The following KAT6B variants were observed in gnomAD, a reference collection of about 807,000 sequenced individuals.
KAT6B encodes the protein lysine acetyltransferase 6B, also known as histone acetyltransferase KAT6B.
In KAT6B, 10 loss-of-function variants were observed where a neutral mutation model predicts 187.5. That is an observed-to-expected ratio of 0.05 (90% CI 0.03 to 0.09). KAT6B has a LOEUF of 0.09. Among genes scored for constraint, KAT6B ranks in the 10% least tolerant of loss-of-function variants. The pLI is 1.00. For synonymous variants in KAT6B, 861 were observed against 926.8 expected, an observed-to-expected ratio of 0.93 and a Z score of 1.29; for missense variants, 1,952 against 2,558.9, an observed-to-expected ratio of 0.76 and a Z score of 5.12.
intron 3 of KAT6B, among the ~76,000 whole-genome samples, chr10:74,875,423 A>G (rs373849066): frequency 6.6e-6 from 1 of 151,990 alleles, no homozygotes; most frequent in Non-Finnish European, 1.5e-5. Flanking sequence ...TTAAATGGTA[A>G]TGTTAAGTGA....
chr10:74,874,292 G>A (rs1179352454), intron 3 of KAT6B, among the ~76,000 whole-genome samples: 1 of 152,176 alleles, frequency 6.6e-6, no homozygotes, highest in African/African-American at 2.4e-5. Flanking sequence ...GGTTACTGTA[G>A]GTTGTCATAT....
chr10:74,879,923 C>T (rs960171513), intron 3 of KAT6B, among the ~76,000 whole-genome samples: 5 of 152,036 alleles, frequency 3.3e-5, no homozygotes, highest in African/African-American at 4.8e-5. Context: ...GGTGAAACCC[C>T]GTCTCTACTA....
chr10:74,847,194 G>A (rs2132119723), intron 3 of KAT6B, among the ~76,000 whole-genome samples: 1 of 152,228 alleles, frequency 6.6e-6, no homozygotes, highest in East Asian at 1.9e-4. Context: ...TCTTTAAATT[G>A]TTTAGTTAGC....
chr10:74,895,409 A>G (rs1442209656), intron 3 of KAT6B, among the ~76,000 whole-genome samples: 1 of 151,784 alleles, frequency 6.6e-6, no homozygotes, highest in East Asian at 1.9e-4. Flanking sequence ...ATTGTGTAAT[A>G]CTGAAAAGTT....
rs568645648 is a variant in KAT6B at position 74,890,874 on chromosome 10, G to GTT, written c.621+47404_621+47405dup. ...TAAAGGTAAATAGAACACAGTTTGG[G>GTT]TTTTTTTTTGGCATATAAATGGTTG... On this transcript the variant is annotated intron_variant, in intron 3 of 17. Transcript: ENST00000287239. Among the ~76,000 whole-genome samples, 5 of 150,688 alleles carry GTT rather than the reference G, an allele frequency of 3.3e-5. No individual in the cohort carries two copies. In the South Asian group the frequency reaches 1.0e-3, roughly 32 times the overall value.
At chr10:74,922,709 G>A (rs1298081228) in intron 3 of KAT6B, among the ~76,000 whole-genome samples, 1 of 152,218 alleles carries the variant, frequency 6.6e-6, no homozygotes, top group South Asian at 2.1e-4. Context: ...AAGGATGTGT[G>A]TGTATGTATG....
At chr10:74,972,755 G>A in intron 7 of KAT6B, 116 bp downstream of exon 7, 1 of 976,032 alleles carries the variant, frequency 1.0e-6, no homozygotes, top group Non-Finnish European at 1.6e-6. Flanking sequence ...AAACTCAAGG[G>A]TTGAAAAATA....
chr10:74,833,406 C>G (rs1414561678), intron 1 of KAT6B, among the ~76,000 whole-genome samples: 1 of 152,130 alleles, frequency 6.6e-6, no homozygotes, highest in African/African-American at 2.4e-5. Flanking sequence ...CTCTAAATTC[C>G]TCTGTTTTAC....
intron 13 of KAT6B, chr10:75,003,316 A>G (rs964181150): frequency 1.3e-5 from 2 of 152,270 alleles, no homozygotes; most frequent in African/African-American, 4.8e-5. Context: ...AAAGGAAAAT[A>G]CCAGCTTTAG....
intron 12 of KAT6B, among the ~76,000 whole-genome samples, chr10:74,987,163 C>T (rs746884423): frequency 1.6e-4 from 24 of 152,070 alleles, no homozygotes; most frequent in Admixed American, 1.2e-3. Flanking sequence ...AGGCCGGGTG[C>T]GGTGGCTCAC....
At chr10:74,954,005 T>C (rs1484738260) in intron 3 of KAT6B, among the ~76,000 whole-genome samples, 1 of 152,242 alleles carries the variant, frequency 6.6e-6, no homozygotes, top group Non-Finnish European at 1.5e-5. Context: ...TAAAGTATTA[T>C]AGAATCAATA....
intron 3 of KAT6B, among the ~76,000 whole-genome samples, chr10:74,942,129 G>T (rs1313122574): frequency 6.6e-6 from 1 of 152,026 alleles, no homozygotes; most frequent in Non-Finnish European, 1.5e-5. Flanking sequence ...TGGCCTCGGC[G>T]ACAGAGTGAG....
At chr10:74,854,404 A>G (rs1842684498) in intron 3 of KAT6B, among the ~76,000 whole-genome samples, 1 of 152,174 alleles carries the variant, frequency 6.6e-6, no homozygotes, top group Admixed American at 6.5e-5. Flanking sequence ...CAAACTACAT[A>G]TTCTTTTTCC....
At chr10:75,014,912 T>C (rs1394255837) in intron 13 of KAT6B, among the ~76,000 whole-genome samples, 1 of 152,208 alleles carries the variant, frequency 6.6e-6, no homozygotes, top group African/African-American at 2.4e-5. Context: ...TTTGAGATTC[T>C]TCAGTCCTAC....
intron 13 of KAT6B, among the ~76,000 whole-genome samples, chr10:74,996,519 C>T (rs973148565): frequency 6.6e-6 from 1 of 151,802 alleles, no homozygotes; most frequent in Non-Finnish European, 1.5e-5. Flanking sequence ...GCCTGTAATC[C>T]CAGCACTGTG....
At chr10:74,907,225 C>G (rs1241038344) in intron 3 of KAT6B, among the ~76,000 whole-genome samples, 1 of 152,182 alleles carries the variant, frequency 6.6e-6, no homozygotes, top group East Asian at 1.9e-4. Context: ...CCAGCCAAAC[C>G]CACCACGATT....
Position 75,030,454 on chromosome 10 carries a change from C to T in KAT6B, c.5630C>T (p.Thr1877Ile), listed in dbSNP as rs1846226024. 6.2e-7 allele frequency: 1 copy of T among 1,613,758 alleles called. No homozygotes were observed. Among genetic ancestry groups the T allele is most frequent in the African/African-American group, 1.3e-5 (1 of 74,940 alleles). Reference sequence around the variant, plus strand: ...CCTGGGGGACCCCAAGCACAAGCTACCATGACCCCACCCCCCAACCTGACT... The same window carrying T: ...CCTGGGGGACCCCAAGCACAAGCTATCATGACCCCACCCCCCAACCTGACT... ...SVPGGPQAQA[T>I]MTPPPNLTPP... Residue 1877 changes from threonine to isoleucine, a missense_variant, in exon 18 of 18, where the codon ACC becomes ATC. This residue lies in a region of KAT6B where 358 missense variants were observed against 436.3 expected (regional missense o/e 0.82). Transcript: ENST00000287239. This position sits in a 1 kb window ranked among gnomAD's most constrained non-coding sequence, Gnocchi z 4.8.
rs367634881 is a variant in KAT6B at position 75,028,886 on chromosome 10, A to AGAG, written c.4077_4079dup (p.Glu1368dup). On this transcript the variant is annotated inframe_insertion, in exon 18 of 18. Coordinates refer to ENST00000287239, the MANE Select transcript of KAT6B (RefSeq NM_012330.4). ...ATCTCATCAAACCTGAGGAAGAGGA[A>AGAG]GAGGAGGAGGAGGAGGAAGAGGAAG... The AGAG allele has an allele frequency of 5.7e-5, 92 of 1,609,656 alleles. 1 individual carries two copies. The highest frequency in any genetic ancestry group is 5.4e-4 in the South Asian group (49 of 90,932).
chr10:74,840,469 A>G (rs149894203), intron 2 of KAT6B, among the ~76,000 whole-genome samples: 171 of 152,342 alleles, frequency 1.1e-3, no homozygotes, highest in Middle Eastern at 3.4e-3. Flanking sequence ...AGGACTAGTT[A>G]GGAATAGGAA....
Sources: allele counts gnomAD v4.1 joint callset (sites outside exome capture counted in the v4.1 genomes callset), GRCh38; gene constraint gnomAD v4.1.1; regional missense constraint gnomAD v4.1.1; non-coding constraint Gnocchi (gnomAD v3.1); transcripts MANE v1.5; gene names NCBI Gene and HGNC (gene_info 2026-07-23, HGNC 2026-07-21).